The following CLEC4C variants were observed in gnomAD, a reference collection of about 807,000 sequenced individuals.
CLEC4C encodes the protein C-type (calcium dependent, carbohydrate-recognition domain) lectin, superfamily member 11.
CLEC4C carries 17 observed loss-of-function variants against 27.7 expected under a neutral mutation model. The observed-to-expected ratio is 0.61, with a 90% CI of 0.42 to 0.92. The LOEUF is 0.92. CLEC4C is among the 40% of genes least tolerant of loss of function. The probability of loss-of-function intolerance (pLI) is 0.00; values close to 1 mark genes in which losing one functional copy is unlikely to be tolerated. For missense variants in CLEC4C, 244 were observed against 257.3 expected (o/e 0.95, Z 0.35); for synonymous variants, 80 against 80.8 (o/e 0.99, Z 0.06).
chr12:7,747,606 C>A, upstream of CLEC4C: 7 of 285,948 alleles, frequency 2.4e-5, no homozygotes, highest in East Asian at 1.9e-4. Flanking sequence ...ACATGAAAAA[C>A]AGTTCATGGT....
chr12:7,732,407 A>G (rs1245983182), intron 4 of CLEC4C, among the ~76,000 whole-genome samples: 1 of 151,348 alleles, frequency 6.6e-6, no homozygotes, highest in Non-Finnish European at 1.5e-5. Context: ...GCTGGAGTGC[A>G]GTGGTGTGAT....
intron 4 of CLEC4C, among the ~76,000 whole-genome samples, chr12:7,733,422 C>T (rs946692250): frequency 7.3e-5 from 11 of 151,304 alleles, no homozygotes; most frequent in Non-Finnish European, 1.5e-4. Context: ...TGCCACCACA[C>T]CTGGCTAATT....
chr12:7,743,626 G>A (rs909075559), intron 2 of CLEC4C, among the ~76,000 whole-genome samples: 6 of 151,610 alleles, frequency 4.0e-5, no homozygotes, highest in Admixed American at 6.6e-5. Context: ...TGATCCGTCC[G>A]CCTCGGCCTC....
chr12:7,736,250 T>C (rs1044131096), intron 4 of CLEC4C, among the ~76,000 whole-genome samples: 10 of 151,210 alleles, frequency 6.6e-5, no homozygotes, highest in African/African-American at 2.0e-4. Flanking sequence ...GCCATTGCAC[T>C]CCAGCCTGGG....
rs757833588 is a variant in CLEC4C at position 7,737,465 on chromosome 12, C to A, written c.345G>T (p.Gly115=). The A allele has an allele frequency of 4.3e-6, 7 of 1,613,792 alleles. No homozygotes were observed. The East Asian group carries it at 6.7e-5, about 15-fold the overall frequency. The change falls in exon 4 of 6, where the codon GGG becomes GGT. Residue 115 remains glycine, a synonymous_variant. Transcript: ENST00000360345. The part of the protein sequence containing the change: ...TKSQKNCSVM[G]ADLVVINTRE... ...TGGTGTTGATCACCACCAGATCAGC[C>A]CCCATCACAGAACAGTTCTTTTGAC...
Position 7,741,459 on chromosome 12 carries a change from G to C in CLEC4C, c.197C>G (p.Pro66Arg), listed in dbSNP as rs1027695925. The change falls in exon 3 of 6, where the codon CCA becomes CGA. Residue 66 changes from proline to arginine, a missense_variant. Physicochemically the swap from Pro to Arg is moderately radical, Grantham distance 103. Transcript: ENST00000360345. ...TCCTTCCATGACGCAGGTCAGGCTT[G>C]GATGATACTGTTGATACTCTCGTAA... Reference protein sequence around the residue: ...SKLREYQQYHPSLTCVMEGKD... With the variant: ...SKLREYQQYHRSLTCVMEGKD... The C allele has an allele frequency of 6.2e-7, 1 of 1,611,818 alleles. No individual in the cohort carries two copies. The highest frequency in any genetic ancestry group is 8.5e-7 in the Non-Finnish European group (1 of 1,177,950).
intron 4 of CLEC4C, among the ~76,000 whole-genome samples, chr12:7,731,678 G>A (rs776642446): frequency 1.3e-5 from 2 of 152,148 alleles, no homozygotes; most frequent in African/African-American, 4.8e-5. Context: ...TGTTTGGCAC[G>A]TACAGGAGCA....
chr12:7,747,436 T>TG, upstream of CLEC4C: 1 of 1,392,704 alleles, frequency 7.2e-7, no homozygotes, highest in Admixed American at 1.7e-5. Context: ...ACTTTCGGGG[T>TG]GTGGTTCTTT....
At chr12:7,742,720 G>C (rs1366175089) in intron 2 of CLEC4C, among the ~76,000 whole-genome samples, 1 of 151,838 alleles carries the variant, frequency 6.6e-6, no homozygotes, top group African/African-American at 2.4e-5. Flanking sequence ...TGAGGCAGGA[G>C]AATCACTTCG....
At chr12:7,739,991 C>T (rs138463216) in intron 3 of CLEC4C, among the ~76,000 whole-genome samples, 3 of 151,896 alleles carry the variant, frequency 2.0e-5, no homozygotes, top group Admixed American at 1.3e-4. Flanking sequence ...TGCGACACCA[C>T]GCCCGGGTAA....
chr12:7,731,232 A>C (rs1483420102), intron 4 of CLEC4C, among the ~76,000 whole-genome samples: 1 of 152,126 alleles, frequency 6.6e-6, no homozygotes, highest in Non-Finnish European at 1.5e-5. Context: ...AGCTAAAGGC[A>C]GACTGGGGGG....
Position 7,747,362 on chromosome 12 carries a change from A to G in CLEC4C, c.-14T>C. On this transcript the variant is annotated 5_prime_UTR_variant, in exon 1 of 6. Coordinates refer to ENST00000360345, the MANE Select transcript of CLEC4C (RefSeq NM_001371390.1). ...TTCAGGCACCATTGTGTGTGCGCAC[A>G]CCCTTTGGACTTCCTCTATCAGGTG... 1 of 1,613,690 alleles carries G rather than the reference A, an allele frequency of 6.2e-7. No individual in the cohort carries two copies. Among genetic ancestry groups the G allele is most frequent in the Non-Finnish European group, 8.5e-7 (1 of 1,179,862 alleles).
chr12:7,731,729 G>C (rs765705231), intron 4 of CLEC4C, among the ~76,000 whole-genome samples: 1 of 152,148 alleles, frequency 6.6e-6, no homozygotes, highest in Non-Finnish European at 1.5e-5. Context: ...TGTCACACTT[G>C]CTTTCCTATT....
At chr12:7,743,359 T>C (rs953426618) in intron 2 of CLEC4C, among the ~76,000 whole-genome samples, 1 of 151,646 alleles carries the variant, frequency 6.6e-6, no homozygotes, top group African/African-American at 2.4e-5. Flanking sequence ...ATCTGACTTT[T>C]CACTTATCCT....
rs1158147254 is a variant in CLEC4C at position 7,730,931 on chromosome 12, A to G, written c.382-19T>C. On this transcript the variant is annotated intron_variant, in intron 4 of 5. Transcript: ENST00000360345. ...TGAAATCCTGAGGGAAGAAAATGGA[A>G]GAGTCATAGCTGATAGAGCAGGAGC... is the stretch of plus-strand genomic sequence containing the variant. The G allele has an allele frequency of 7.6e-7, 1 of 1,317,706 alleles. No individual in the cohort carries two copies. The allele number at this position is 1,317,706 out of a possible 1,614,324, so 81.6% of individuals were successfully genotyped here.
chr12:7,746,230 A>G (rs756711089), intron 2 of CLEC4C, 101 bp downstream of exon 2: 31 of 718,064 alleles, frequency 4.3e-5, no homozygotes, highest in East Asian at 2.3e-4. Context: ...AAAAAAAAAA[A>G]AAAGAAAAAA....
chr12:7,733,503 A>T, intron 4 of CLEC4C, among the ~76,000 whole-genome samples: 1 of 126,062 alleles, frequency 7.9e-6, no homozygotes, highest in African/African-American at 3.0e-5. Flanking sequence ...TTTTTTTGAG[A>T]CTGAGTCTTG....
chr12:7,730,098 TA>T (rs780480908), intron 5 of CLEC4C, among the ~76,000 whole-genome samples: 5 of 152,184 alleles, frequency 3.3e-5, no homozygotes, highest in Middle Eastern at 3.4e-3. Context: ...ATGATTCAAA[TA>T]TTTTTTTTCC....
chr12:7,744,666 T>C (rs1291629381), intron 2 of CLEC4C, among the ~76,000 whole-genome samples: 1 of 152,114 alleles, frequency 6.6e-6, no homozygotes. Flanking sequence ...CCAGGCTGGA[T>C]TGCAGTGGTA....
Sources: allele counts gnomAD v4.1 joint callset (sites outside exome capture counted in the v4.1 genomes callset), GRCh38; gene constraint gnomAD v4.1.1; transcripts MANE v1.5; gene names NCBI Gene and HGNC (gene_info 2026-07-23, HGNC 2026-07-21).